The following STOX2 variants were observed in gnomAD, a reference collection of about 807,000 sequenced individuals.
STOX2 encodes the protein storkhead box 2, also known as storkhead-box protein 2.
Under a neutral mutation model 60.9 loss-of-function variants are expected in STOX2, and 28 were observed. The observed-to-expected ratio is 0.46, with a 90% CI of 0.34 to 0.63. STOX2 has a LOEUF of 0.63. STOX2 is among the 30% of genes least tolerant of loss of function. The pLI is 0.01. For missense variants in STOX2, 1,024 were observed against 1,187.7 expected (o/e 0.86, Z 2.03); for synonymous variants, 472 against 463.9 (o/e 1.02, Z -0.22).
intron 1 of STOX2, among the ~76,000 whole-genome samples, chr4:183,929,436 A>G (rs1742345661): frequency 6.6e-6 from 1 of 152,214 alleles, no homozygotes; most frequent in African/African-American, 2.4e-5. Flanking sequence ...TTCTCTTTAT[A>G]TGACATTACG....
At chr4:183,988,929 C>T (rs1333256231) in intron 1 of STOX2, among the ~76,000 whole-genome samples, 1 of 152,136 alleles carries the variant, frequency 6.6e-6, no homozygotes, top group African/African-American at 2.4e-5. Context: ...CTTGCTGTTC[C>T]GCTCCTCCCG....
intron 1 of STOX2, among the ~76,000 whole-genome samples, chr4:183,960,635 T>C (rs1205227643): frequency 1.3e-5 from 2 of 152,212 alleles, no homozygotes; most frequent in Admixed American, 6.5e-5. Flanking sequence ...AGCAAACTTG[T>C]TCATTTCTAG....
chr4:183,956,425 A>G (rs974112647), intron 1 of STOX2, among the ~76,000 whole-genome samples: 5 of 143,196 alleles, frequency 3.5e-5, no homozygotes, highest in African/African-American at 1.4e-4. Flanking sequence ...CTGTCGATCT[A>G]TCATTCTATC....
intron 1 of STOX2, among the ~76,000 whole-genome samples, chr4:183,837,117 G>T (rs1739730256): frequency 6.6e-6 from 1 of 152,140 alleles, no homozygotes; most frequent in African/African-American, 2.4e-5. Flanking sequence ...TCTGGGAGCA[G>T]AAATGGGGGA....
chr4:183,888,588 A>G (rs1741136633), intron 1 of STOX2, among the ~76,000 whole-genome samples: 2 of 152,306 alleles, frequency 1.3e-5, no homozygotes, highest in East Asian at 3.9e-4. Context: ...GTACTGAGGC[A>G]GCACCGCCTA....
At chr4:183,812,049 A>C (rs1309276779) in intron 1 of STOX2, among the ~76,000 whole-genome samples, 1 of 150,596 alleles carries the variant, frequency 6.6e-6, no homozygotes. Context: ...CTCCCACCTC[A>C]GCCTCCTCAG....
At chr4:183,955,630 T>G (rs1437787527) in intron 1 of STOX2, among the ~76,000 whole-genome samples, 1 of 152,216 alleles carries the variant, frequency 6.6e-6, no homozygotes, top group Non-Finnish European at 1.5e-5. Context: ...CTAGGCCCCA[T>G]GTCTTCCTGT....
intron 1 of STOX2, among the ~76,000 whole-genome samples, chr4:183,927,886 AC>A (rs1742290592): frequency 6.6e-6 from 1 of 152,108 alleles, no homozygotes; most frequent in African/African-American, 2.4e-5. Context: ...AAGTGAGCAC[AC>A]CCCTCAGCAG....
intron 1 of STOX2, among the ~76,000 whole-genome samples, chr4:183,957,615 A>C (rs573198345): frequency 7.2e-5 from 11 of 152,302 alleles, no homozygotes; most frequent in South Asian, 6.2e-4. Flanking sequence ...TCTATGCTGA[A>C]CTGGTTCCCG....
rs143606661 is a variant in STOX2, at chr4:183,830,272, C to T, written c.364+32217C>T. 8.0e-4 allele frequency among the ~76,000 whole-genome samples: 122 copies of T among 152,284 alleles called. No homozygotes were observed. The South Asian group carries it at 9.7e-3, about 12-fold the overall frequency. Reference sequence around the variant, plus strand: ...ATTGGGCTAGGAGTAACATACTGTTCTAACTATAATTAAAAGAATTCCCCC... The same window carrying T: ...ATTGGGCTAGGAGTAACATACTGTTTTAACTATAATTAAAAGAATTCCCCC... On this transcript the variant is annotated intron_variant, in intron 1 of 2. Transcript: ENST00000513034.
intron 1 of STOX2, among the ~76,000 whole-genome samples, chr4:183,849,089 A>G (rs1218064433): frequency 6.6e-6 from 1 of 152,164 alleles, no homozygotes; most frequent in African/African-American, 2.4e-5. Flanking sequence ...CAAACTAGAG[A>G]TGGGAGAAGG....
rs117996252 is a variant in STOX2 at position 183,873,274 on chromosome 4, G to A, written c.364+75219G>A. On this transcript the variant is annotated intron_variant, in intron 1 of 2. Coordinates refer to the STOX2 transcript ENST00000513034. The stretch of plus-strand genomic sequence containing the variant: ...ACCAGCCTGACCAACATGGAGAAAC[G>A]CCGTCTCTACTAAAATGCAAAATTA... Among the ~76,000 whole-genome samples, 159 of 152,100 alleles carry A rather than the reference G, an allele frequency of 1.0e-3. 5 individuals are homozygous for A. The East Asian group carries it at 0.03, about 29-fold the overall frequency.
chr4:183,877,852 T>A (rs1033557171), intron 1 of STOX2, among the ~76,000 whole-genome samples: 3 of 152,070 alleles, frequency 2.0e-5, no homozygotes. Context: ...GACTAATTTT[T>A]TTTTTCTTTT....
intron 1 of STOX2, among the ~76,000 whole-genome samples, chr4:183,818,376 G>A (rs1178038622): frequency 6.6e-6 from 1 of 152,106 alleles, no homozygotes; most frequent in Admixed American, 6.5e-5. Context: ...AACCCTGAGT[G>A]GACACAGCAC....
rs888306831 is a variant in STOX2 at position 184,001,699 on chromosome 4, G to A, written c.319+222G>A. On this transcript the variant is annotated intron_variant, in intron 2 of 3. Coordinates refer to ENST00000308497, the MANE Select transcript of STOX2 (RefSeq NM_020225.3). This position sits in a 1 kb window ranked among gnomAD's most constrained non-coding sequence, Gnocchi z 4.2. ...CTGTAATACTTTTTAAATTGGCACC[G>A]AGAGGAAGAAATTAATTCAGAATCC... Among the ~76,000 whole-genome samples, 2 of 151,998 alleles carry A rather than the reference G, an allele frequency of 1.3e-5. No homozygotes were observed. The highest frequency in any genetic ancestry group is 4.8e-5 in the African/African-American group (2 of 41,394).
chr4:183,912,367 C>CT lies in STOX2; in HGVS notation c.166+5415dup, dbSNP rs558089872. On this transcript the variant is annotated intron_variant, in intron 1 of 3. Coordinates refer to ENST00000308497, the MANE Select transcript of STOX2 (RefSeq NM_020225.3). ...GCACATCACAGTATAACCTCCCTCA[C>CT]TTTTCCACCTCTTCTTCTCTTTCCC... 3.9e-3 allele frequency among the ~76,000 whole-genome samples: 600 copies of CT among 152,334 alleles called. 12 individuals are homozygous for CT. Among genetic ancestry groups the CT allele is most frequent in the Admixed American group, 0.028 (422 of 15,292 alleles).
chr4:183,821,311 T>C lies in STOX2; in HGVS notation c.364+23256T>C, dbSNP rs1171080575. 6.6e-6 allele frequency among the ~76,000 whole-genome samples: 1 copy of C among 152,192 alleles called. No individual in the cohort carries two copies. The highest frequency in any genetic ancestry group is 1.5e-5 in the Non-Finnish European group (1 of 68,038). ...ATGGTGCTTCACGGAATGCAGATAA[T>C]GGCTTTATTTTCCTCCCTGTCTTAA... On this transcript the variant is annotated intron_variant, in intron 1 of 2. Transcript: ENST00000513034. This position sits in a 1 kb window ranked among gnomAD's most constrained non-coding sequence, Gnocchi z 4.2.
intron 1 of STOX2, among the ~76,000 whole-genome samples, chr4:183,997,645 A>G: frequency 6.6e-6 from 1 of 152,220 alleles, no homozygotes; most frequent in Non-Finnish European, 1.5e-5. Flanking sequence ...CTCCAGGGAT[A>G]GAATCCAGGG....
intron 1 of STOX2, among the ~76,000 whole-genome samples, chr4:183,917,307 A>G (rs1464612577): frequency 1.3e-5 from 2 of 152,252 alleles, no homozygotes; most frequent in African/African-American, 4.8e-5. Flanking sequence ...CCGAAGGAGC[A>G]AACTGAAGGA....
Sources: allele counts gnomAD v4.1 joint callset (sites outside exome capture counted in the v4.1 genomes callset), GRCh38; gene constraint gnomAD v4.1.1; non-coding constraint Gnocchi (gnomAD v3.1); transcripts MANE v1.5; gene names NCBI Gene and HGNC (gene_info 2026-07-23, HGNC 2026-07-21).